The following MDGA2 variants were observed in gnomAD, a reference collection of about 807,000 sequenced individuals.
The protein encoded by MDGA2 is MAM domain-containing glycosylphosphatidylinositol anchor protein 2.
MDGA2 carries 40 observed loss-of-function variants against 117.8 expected under a neutral mutation model. That is an observed-to-expected ratio of 0.34 (90% CI 0.26 to 0.44). The LOEUF (loss-of-function observed/expected upper bound fraction) is 0.44. Among genes scored for constraint, MDGA2 ranks in the 20% least tolerant of loss-of-function variants. The pLI, the probability that MDGA2 is intolerant of heterozygous loss-of-function variation, is 1.00. For missense variants in MDGA2, 1,123 were observed against 1,250.6 expected, an observed-to-expected ratio of 0.90 and a Z score of 1.54; for synonymous variants, 452 against 439.0, an observed-to-expected ratio of 1.03 and a Z score of -0.37.
At chr14:47,000,442 TAA>T (rs1293668737) in intron 8 of MDGA2, among the ~76,000 whole-genome samples, 1 of 142,480 alleles carries the variant, frequency 7.0e-6, no homozygotes, top group East Asian at 2.0e-4. Context: ...TATATACATA[TAA>T]ATATATATAT....
At chr14:47,446,350 T>C (rs1893121973) in intron 1 of MDGA2, among the ~76,000 whole-genome samples, 2 of 152,176 alleles carry the variant, frequency 1.3e-5, no homozygotes. Context: ...GAATCAGTCA[T>C]TATTAGCAAG....
At chr14:47,313,705 T>G (rs1195525322) in intron 1 of MDGA2, among the ~76,000 whole-genome samples, 1 of 152,170 alleles carries the variant, frequency 6.6e-6, no homozygotes, top group African/African-American at 2.4e-5. Context: ...GCCTGAGATA[T>G]TAGTAAATGT....
intron 2 of MDGA2, among the ~76,000 whole-genome samples, chr14:47,233,379 C>T (rs949731244): frequency 6.6e-6 from 1 of 152,032 alleles, no homozygotes; most frequent in African/African-American, 2.4e-5. Context: ...AATTACAATG[C>T]GTATGATAAA....
intron 3 of MDGA2, among the ~76,000 whole-genome samples, chr14:47,176,332 G>C (rs141911483): frequency 1.3e-5 from 2 of 151,882 alleles, no homozygotes; most frequent in Non-Finnish European, 2.9e-5. Flanking sequence ...AAACAGAGCC[G>C]GCATTGCCAA....
chr14:47,587,097 G>C (rs1022116771), intron 1 of MDGA2, among the ~76,000 whole-genome samples: 1 of 151,816 alleles, frequency 6.6e-6, no homozygotes, highest in Non-Finnish European at 1.5e-5. Context: ...CTTACAAATG[G>C]AAGCTAAATA....
intron 2 of MDGA2, among the ~76,000 whole-genome samples, chr14:47,220,982 A>G (rs1886276955): frequency 6.6e-6 from 1 of 152,186 alleles, no homozygotes; most frequent in South Asian, 2.1e-4. Flanking sequence ...ACTCCCAACT[A>G]ACGAATTGTA....
chr14:47,318,809 AGAAG>A (rs889892249), intron 1 of MDGA2, among the ~76,000 whole-genome samples: 2 of 91,682 alleles, frequency 2.2e-5, no homozygotes, highest in East Asian at 2.1e-4. Flanking sequence ...AAGGGAGGAA[AGAAG>A]GAAGGAAGGA....
chr14:47,651,355 G>GAGTCTTT (rs1897641091), intron 1 of MDGA2, among the ~76,000 whole-genome samples: 2 of 152,026 alleles, frequency 1.3e-5, no homozygotes, highest in African/African-American at 4.8e-5. Context: ...CACACACAAA[G>GAGTCTTT]ACTCTGAGGC....
intron 5 of MDGA2, 104 bp downstream of exon 5, chr14:47,131,610 C>G: frequency 1.1e-6 from 1 of 895,718 alleles, no homozygotes; most frequent in African/African-American, 1.7e-5. Flanking sequence ...GTGCTTATTC[C>G]TACATACACC....
chr14:47,537,458 TA>T (rs1235414058), intron 1 of MDGA2, among the ~76,000 whole-genome samples: 3 of 147,540 alleles, frequency 2.0e-5, no homozygotes, highest in East Asian at 4.0e-4. Flanking sequence ...AGTATAATAA[TA>T]AAAAAAAATT....
intron 6 of MDGA2, among the ~76,000 whole-genome samples, chr14:47,067,965 T>C (rs1283267092): frequency 6.6e-6 from 1 of 152,152 alleles, no homozygotes; most frequent in Non-Finnish European, 1.5e-5. Flanking sequence ...GCCAATCTAG[T>C]CTGAATGGAA....
At chr14:47,025,893 G>A (rs1354367508) in intron 8 of MDGA2, among the ~76,000 whole-genome samples, 1 of 152,038 alleles carries the variant, frequency 6.6e-6, no homozygotes, top group African/African-American at 2.4e-5. Context: ...GAATAGGAGT[G>A]GAAGGGCATG....
intron 4 of MDGA2, among the ~76,000 whole-genome samples, chr14:47,139,769 C>CAT (rs1882624597): frequency 6.9e-6 from 1 of 144,042 alleles, no homozygotes; most frequent in South Asian, 2.2e-4. Context: ...GTTATATATA[C>CAT]ATATATACAC....
intron 3 of MDGA2, among the ~76,000 whole-genome samples, chr14:47,195,150 A>C (rs1392959875): frequency 2.0e-5 from 3 of 152,018 alleles, no homozygotes; most frequent in Non-Finnish European, 2.9e-5. Flanking sequence ...TTCTTCATTC[A>C]ACTTCAAATT....
Position 47,608,051 on chromosome 14 carries a change from T to C in MDGA2, c.280+66466A>G, listed in dbSNP as rs190558317. Among the ~76,000 whole-genome samples the C allele has an allele frequency of 3.9e-5, 6 of 152,260 alleles. No homozygotes were observed. In the East Asian group the frequency reaches 1.2e-3, roughly 29 times the overall value. ...TTATTTAAATTACTATGATTTTCTT[T>C]TACATTTCCATGACCACAATGTCAC... is the stretch of plus-strand genomic sequence containing the variant. On this transcript the variant is annotated intron_variant, in intron 1 of 16. Coordinates refer to ENST00000399232, the MANE Select transcript of MDGA2 (RefSeq NM_001113498.3).
chr14:47,536,456 A>G (rs72670737), intron 1 of MDGA2, among the ~76,000 whole-genome samples: 1 of 152,324 alleles, frequency 6.6e-6, no homozygotes, highest in Non-Finnish European at 1.5e-5. Flanking sequence ...TGTGAGTCTC[A>G]CATTGCTGCA....
chr14:47,494,876 T>TTTTA (rs1555327306), intron 1 of MDGA2, among the ~76,000 whole-genome samples: 16 of 141,020 alleles, frequency 1.1e-4, no homozygotes, highest in African/African-American at 4.5e-4. Context: ...TAAAATGTGA[T>TTTTA]TATATATATA....
chr14:47,332,861 A>G (rs891540153), intron 1 of MDGA2, among the ~76,000 whole-genome samples: 2 of 151,858 alleles, frequency 1.3e-5, no homozygotes, highest in Non-Finnish European at 2.9e-5. Flanking sequence ...CTCTATGTCC[A>G]TGTGTACACA....
chr14:46,899,967 GA>G (rs963709221), intron 10 of MDGA2, among the ~76,000 whole-genome samples: 2 of 151,680 alleles, frequency 1.3e-5, no homozygotes, highest in African/African-American at 4.8e-5. Context: ...TATATACTTA[GA>G]AAAGAAAAAA....
Sources: allele counts gnomAD v4.1 joint callset (sites outside exome capture counted in the v4.1 genomes callset), GRCh38; gene constraint gnomAD v4.1.1; transcripts MANE v1.5; gene names NCBI Gene and HGNC (gene_info 2026-07-23, HGNC 2026-07-21).